Variants in SEMA3E observed in about 807,000 individuals in gnomAD.
SEMA3E encodes semaphorin-3E.
SEMA3E carries 49 observed loss-of-function variants against 93.6 expected under a neutral mutation model. That is an observed-to-expected ratio of 0.52 (90% CI 0.42 to 0.66). The LOEUF (loss-of-function observed/expected upper bound fraction) is 0.66. Ranked by LOEUF, SEMA3E falls within the 30% of genes least tolerant of loss-of-function variation. The pLI is 0.00. For missense variants in SEMA3E, 906 were observed against 964.8 expected (o/e 0.94, Z 0.81); for synonymous variants, 363 against 330.7 (o/e 1.10, Z -1.06).
chr7:83,545,488 C>T (rs1211176476), intron 1 of SEMA3E, among the ~76,000 whole-genome samples: 1 of 147,080 alleles, frequency 6.8e-6, no homozygotes, highest in African/African-American at 2.5e-5. Context: ...GTTTTATATC[C>T]AGTGTGATAC....
intron 1 of SEMA3E, among the ~76,000 whole-genome samples, chr7:83,647,714 G>A (rs1454302304): frequency 6.6e-6 from 1 of 152,096 alleles, no homozygotes; most frequent in East Asian, 1.9e-4. Flanking sequence ...TTTGCTGTTA[G>A]ATCTTCATTA....
rs1792222904 is a variant in SEMA3E, at chr7:83,569,141, A to G, written c.116-78867T>C. On this transcript the variant is annotated intron_variant, in intron 1 of 16. Coordinates refer to ENST00000643230, the MANE Select transcript of SEMA3E (RefSeq NM_012431.3). ...GAAGGCAATCCAATTTGCAATAGCT[A>G]CAAAAAAAAAAAAATCTTATAAATA... 1.9e-5 allele frequency among the ~76,000 whole-genome samples: 2 copies of G among 105,624 alleles called. 1 individual carries two copies. The highest frequency in any genetic ancestry group is 5.2e-4 in the South Asian group (2 of 3,812). 69.3% of individuals were successfully genotyped at this position (105,624 alleles called of 152,430 possible).
intron 6 of SEMA3E, 24 bp from the exon 7 acceptor site, chr7:83,407,263 A>G (rs1362979825): frequency 8.1e-6 from 13 of 1,595,092 alleles, no homozygotes; most frequent in South Asian, 1.1e-5. Flanking sequence ...AAATAGGAGA[A>G]AAAGTGAAAT....
intron 4 of SEMA3E, among the ~76,000 whole-genome samples, chr7:83,465,505 T>A (rs1789736409): frequency 6.6e-6 from 1 of 152,224 alleles, no homozygotes; most frequent in South Asian, 2.1e-4. Flanking sequence ...ACCTGAGGGT[T>A]AACTAATATA....
chr7:83,385,384 G>T lies in SEMA3E; in HGVS notation c.1785C>A (p.Asn595Lys), dbSNP rs772875017. The T allele has an allele frequency of 1.2e-6, 2 of 1,613,352 alleles. No individual in the cohort carries two copies. Among genetic ancestry groups the T allele is most frequent in the Non-Finnish European group, 1.7e-6 (2 of 1,179,584 alleles). Reference sequence around the variant, plus strand: ...GGGTACATTCCAGCAAAGTACTGTTGTTCTCTATGCCATAAGCCAGATGTT... The same window carrying T: ...GGGTACATTCCAGCAAAGTACTGTTTTTCTCTATGCCATAAGCCAGATGTT... ...TEEHLAYGIE[N>K]NSTLLECTPR... is the part of the protein sequence containing the mutation. The change falls in exon 16 of 17, where the codon AAC (asparagine) becomes AAA (lysine). Residue 595 changes from asparagine to lysine, a missense_variant. Coordinates refer to ENST00000643230, the MANE Select transcript of SEMA3E (RefSeq NM_012431.3).
chr7:83,411,822 A>T (rs1788443969), intron 5 of SEMA3E, among the ~76,000 whole-genome samples: 1 of 152,192 alleles, frequency 6.6e-6, no homozygotes, highest in South Asian at 2.1e-4. Flanking sequence ...AAAAGATTAA[A>T]ATACCTTTTA....
chr7:83,628,678 T>C (rs1010143424), intron 1 of SEMA3E, among the ~76,000 whole-genome samples: 2 of 151,952 alleles, frequency 1.3e-5, no homozygotes, highest in Non-Finnish European at 2.9e-5. Context: ...TAGTTAGTAG[T>C]TCCTGTAACC....
At chr7:83,569,126 C>T (rs1428008728) in intron 1 of SEMA3E, among the ~76,000 whole-genome samples, 2 of 138,034 alleles carry the variant, frequency 1.4e-5, no homozygotes, top group African/African-American at 5.9e-5. Flanking sequence ...GAAGGCAATC[C>T]AATTTGCAAT....
chr7:83,421,749 T>C (rs1788672153), intron 4 of SEMA3E, among the ~76,000 whole-genome samples: 1 of 142,262 alleles, frequency 7.0e-6, no homozygotes, highest in Non-Finnish European at 1.6e-5. Flanking sequence ...TGTCTTGCTA[T>C]TCTTATTTAG....
At chr7:83,453,300 G>T (rs1302574933) in intron 4 of SEMA3E, among the ~76,000 whole-genome samples, 29 of 151,936 alleles carry the variant, frequency 1.9e-4, no homozygotes, top group Admixed American at 1.9e-3. Flanking sequence ...AAAGTGCTGG[G>T]ATTACAGGCA....
chr7:83,428,411 A>G (rs1030463469), intron 4 of SEMA3E, among the ~76,000 whole-genome samples: 3 of 152,228 alleles, frequency 2.0e-5, no homozygotes, highest in African/African-American at 7.2e-5. Context: ...TAAAATACAC[A>G]ATGTTCATTA....
At chr7:83,562,166 C>A (rs561902099) in intron 1 of SEMA3E, among the ~76,000 whole-genome samples, 1 of 152,028 alleles carries the variant, frequency 6.6e-6, no homozygotes, top group South Asian at 2.1e-4. Flanking sequence ...AATCTAAAAG[C>A]ACAGAGTTTT....
intron 1 of SEMA3E, among the ~76,000 whole-genome samples, chr7:83,518,758 C>T (rs528148619): frequency 1.6e-4 from 25 of 152,044 alleles, no homozygotes; most frequent in Admixed American, 6.6e-4. Context: ...AAGCACCTAT[C>T]GGACCAGAGT....
chr7:83,485,370 TAAAG>T (rs1262842318), intron 2 of SEMA3E, among the ~76,000 whole-genome samples: 2 of 152,178 alleles, frequency 1.3e-5, no homozygotes, highest in Non-Finnish European at 2.9e-5. Flanking sequence ...CTTTTACAAA[TAAAG>T]AAATAGGGAC....
chr7:83,621,823 C>T (rs1048836143), intron 1 of SEMA3E, among the ~76,000 whole-genome samples: 6 of 152,054 alleles, frequency 3.9e-5, no homozygotes, highest in African/African-American at 1.4e-4. Context: ...CTTCCTTACA[C>T]GTTATACAAA....
At chr7:83,404,815 G>A (rs547102740) in intron 9 of SEMA3E, among the ~76,000 whole-genome samples, 3 of 152,074 alleles carry the variant, frequency 2.0e-5, no homozygotes, top group South Asian at 2.1e-4. Context: ...TTATGAAATC[G>A]AGAAATTTTT....
At chr7:83,399,612 C>T (rs1317511838) in intron 11 of SEMA3E, among the ~76,000 whole-genome samples, 1 of 152,188 alleles carries the variant, frequency 6.6e-6, no homozygotes, top group Admixed American at 6.5e-5. Flanking sequence ...ACTATGAGAA[C>T]TTCTATTGGA....
chr7:83,637,023 AGTGTGTGTGTGTGTGTATGTGTGTGT>A (rs1793894337), intron 1 of SEMA3E, among the ~76,000 whole-genome samples: 1 of 148,882 alleles, frequency 6.7e-6, no homozygotes, highest in Non-Finnish European at 1.5e-5. Flanking sequence ...TATGTGTGAG[AGTGTGTGTGTGTGTGTATGTGTGTGT>A]GTGTGTGTGT....
At chr7:83,544,650 C>A (rs1254965433) in intron 1 of SEMA3E, among the ~76,000 whole-genome samples, 1 of 152,076 alleles carries the variant, frequency 6.6e-6, no homozygotes, top group Non-Finnish European at 1.5e-5. Context: ...ATGGGAAAAA[C>A]TGAAGGTCAT....
Sources: gnomAD v4.1 joint callset for allele counts (sites outside exome capture counted in the v4.1 genomes callset) on GRCh38, gnomAD v4.1.1 for gene constraint, MANE v1.5 for transcripts, NCBI Gene and HGNC (gene_info 2026-07-23, HGNC 2026-07-21) for gene names.